CARMIL1: variants seen among roughly 807,000 people sequenced by gnomAD.
CARMIL1 encodes capping protein regulator and myosin 1 linker 1, also known as F-actin-uncapping protein LRRC16A.
In CARMIL1, 90 loss-of-function variants were observed where a neutral mutation model predicts 177.1. The observed-to-expected ratio is 0.51, with a 90% CI of 0.43 to 0.61. CARMIL1 has a LOEUF of 0.61. CARMIL1 is among the 20% of genes least tolerant of loss of function. The probability of loss-of-function intolerance (pLI) is 0.00; values close to 1 mark genes in which losing one functional copy is unlikely to be tolerated. For synonymous variants in CARMIL1, 577 were observed against 606.2 expected (o/e 0.95, Z 0.71); for missense variants, 1,380 against 1,667.0 (o/e 0.83, Z 3.00).
In CARMIL1 at chr6:25,401,727, G is replaced by C. The variant is rs146982911; in HGVS notation, c.139-18387G>C. On this transcript the variant is annotated intron_variant, in intron 2 of 36. Transcript: ENST00000329474. ...AATGTTGCCCTGTCATTTGAATCTG[G>C]TAGGGTTTGCTGATGAATAAATGAA... is the stretch of plus-strand genomic sequence containing the variant. Among the ~76,000 whole-genome samples the C allele has an allele frequency of 2.3e-3, 345 of 152,304 alleles. No individual in the cohort carries two copies. In the Middle Eastern group the frequency reaches 0.027, roughly 12 times the overall value.
intron 23 of CARMIL1, among the ~76,000 whole-genome samples, chr6:25,528,321 C>T (rs1807374818): frequency 6.6e-6 from 1 of 152,132 alleles, no homozygotes; most frequent in South Asian, 2.1e-4. Flanking sequence ...TCTCTTTTTA[C>T]GTAAAAATAA....
At chr6:25,524,915 GA>G (rs1403802782) in intron 23 of CARMIL1, among the ~76,000 whole-genome samples, 2 of 152,002 alleles carry the variant, frequency 1.3e-5, no homozygotes, top group African/African-American at 4.8e-5. Context: ...TTCTTCAATA[GA>G]AACTTCCCAA....
Position 25,288,986 on chromosome 6 carries a change from G to C in CARMIL1, c.138+4077G>C, listed in dbSNP as rs1399647419. 1.3e-5 allele frequency among the ~76,000 whole-genome samples: 2 copies of C among 152,164 alleles called. 1 individual carries two copies. The highest frequency in any genetic ancestry group is 3.8e-4 in the East Asian group (2 of 5,200). ...GTGCATTGTAAATTTCTAAGAATTG[G>C]ATAAAGTATGCTGTTTTTTCCAAAC... On this transcript the variant is annotated intron_variant, in intron 2 of 36. Coordinates refer to ENST00000329474, the MANE Select transcript of CARMIL1 (RefSeq NM_017640.6).
At chr6:25,503,481 A>T (rs1804611518) in intron 17 of CARMIL1, among the ~76,000 whole-genome samples, 1 of 152,206 alleles carries the variant, frequency 6.6e-6, no homozygotes, top group African/African-American at 2.4e-5. Context: ...TTGGATTTCC[A>T]ATATAATTCA....
intron 11 of CARMIL1, among the ~76,000 whole-genome samples, chr6:25,473,782 G>A (rs1028276395): frequency 2.0e-5 from 3 of 152,174 alleles, no homozygotes; most frequent in Non-Finnish European, 2.9e-5. Flanking sequence ...GAATCTTGGG[G>A]ACTATCTTAG....
chr6:25,441,333 ATATATGTGTG>A (rs1219139383), intron 5 of CARMIL1, among the ~76,000 whole-genome samples: 15 of 66,952 alleles, frequency 2.2e-4, no homozygotes, highest in African/African-American at 7.4e-4. Flanking sequence ...ATATATATAT[ATATATGTGTG>A]TGTGTGTGTG....
chr6:25,461,893 T>G (rs760563791), intron 8 of CARMIL1, among the ~76,000 whole-genome samples: 27 of 152,146 alleles, frequency 1.8e-4, no homozygotes, highest in Non-Finnish European at 3.7e-4. Flanking sequence ...GTGCATCTCT[T>G]TTTGGTTTTT....
At chr6:25,493,774 G>A (rs1478058540) in intron 15 of CARMIL1, among the ~76,000 whole-genome samples, 1 of 152,176 alleles carries the variant, frequency 6.6e-6, no homozygotes, top group African/African-American at 2.4e-5. Flanking sequence ...ACACTGGAAT[G>A]CTCAAAACTA....
In CARMIL1 at chr6:25,540,026, C is replaced by A. The variant is rs1285470338; in HGVS notation, c.2276C>A (p.Thr759Asn). 1.2e-6 allele frequency: 2 copies of A among 1,608,442 alleles called. No homozygotes were observed. The highest frequency in any genetic ancestry group is 1.7e-6 in the Non-Finnish European group (2 of 1,177,524). Residue 759 changes from threonine (T) to asparagine (N), a missense_variant, in exon 26 of 37, where the codon ACC becomes AAC. Thr to Asn is a moderately conservative substitution (Grantham distance 65). Coordinates refer to ENST00000329474, the MANE Select transcript of CARMIL1 (RefSeq NM_017640.6). ...SGLLSSPIQE[T>N]LESMAGEVTR... ...TTACTATCCAGTCCAATTCAGGAGA[C>A]CCTGGAATCAATGGCTGGAGAAGTT...
At chr6:25,305,196 C>T (rs769636806) in intron 2 of CARMIL1, among the ~76,000 whole-genome samples, 1 of 152,132 alleles carries the variant, frequency 6.6e-6, no homozygotes, top group Non-Finnish European at 1.5e-5. Context: ...ATTTTAGGAA[C>T]TTGAGAATCA....
chr6:25,390,293 C>CATATATAT (rs397887367), intron 2 of CARMIL1, among the ~76,000 whole-genome samples: 7 of 84,902 alleles, frequency 8.2e-5, no homozygotes, highest in East Asian at 6.4e-4. Context: ...TATATATTTA[C>CATATATAT]ATATATATAT....
intron 2 of CARMIL1, among the ~76,000 whole-genome samples, chr6:25,322,120 G>T (rs1374528708): frequency 6.6e-6 from 1 of 151,496 alleles, no homozygotes; most frequent in Non-Finnish European, 1.5e-5. Flanking sequence ...AAGAAATCTG[G>T]TGTTTTTGTT....
chr6:25,408,320 C>G (rs191039233), intron 2 of CARMIL1, among the ~76,000 whole-genome samples: 3 of 146,264 alleles, frequency 2.1e-5, no homozygotes, highest in Non-Finnish European at 3.0e-5. Flanking sequence ...AAAAAGATTT[C>G]GGGCAGAGAG....
At chr6:25,609,660 T>C (rs977115353) in intron 35 of CARMIL1, among the ~76,000 whole-genome samples, 2 of 152,324 alleles carry the variant, frequency 1.3e-5, no homozygotes, top group Admixed American at 1.3e-4. Context: ...GTATAGTGAC[T>C]ATTGTACTGG....
intron 26 of CARMIL1, among the ~76,000 whole-genome samples, chr6:25,548,406 T>C (rs1809737290): frequency 6.6e-6 from 1 of 152,184 alleles, no homozygotes; most frequent in East Asian, 1.9e-4. Context: ...GGGAGGACAA[T>C]ACTTTGCAGT....
intron 4 of CARMIL1, among the ~76,000 whole-genome samples, chr6:25,429,208 T>G (rs1050709584): frequency 4.5e-4 from 68 of 152,298 alleles, no homozygotes; most frequent in Middle Eastern, 3.4e-3. Flanking sequence ...CTTGCTTACT[T>G]CTTACCATGA....
At chr6:25,346,186 G>A (rs116626667) in intron 2 of CARMIL1, among the ~76,000 whole-genome samples, 7,911 of 151,964 alleles carry the variant, frequency 0.052, 275 homozygotes, top group Non-Finnish European at 0.087. Flanking sequence ...AGTGTTTACC[G>A]TGACTGACAA....
intron 8 of CARMIL1, chr6:25,452,207 G>A: frequency 1.3e-6 from 1 of 764,420 alleles, no homozygotes; most frequent in Non-Finnish European, 2.4e-6. Flanking sequence ...TGGGCCTAAA[G>A]CCTCCAGTTC....
chr6:25,279,614 T>C lies in CARMIL1; in HGVS notation c.-182T>C. The C allele has an allele frequency of 2.2e-5, 10 of 459,806 alleles. No individual in the cohort carries two copies. The South Asian group carries it at 2.5e-4, about 12-fold the overall frequency. 28.5% of individuals were successfully genotyped at this position (459,806 alleles called of 1,614,324 possible). ...AATCCGCCTCGCATTTGCAACTCTT[T>C]TTTTTTTTTTTGGTGGGGCGGGGGG... On this transcript the variant is annotated 5_prime_UTR_variant, in exon 1 of 37. Coordinates refer to ENST00000329474, the MANE Select transcript of CARMIL1 (RefSeq NM_017640.6).
Sources: gnomAD v4.1 joint callset for allele counts (sites outside exome capture counted in the v4.1 genomes callset) on GRCh38, gnomAD v4.1.1 for gene constraint, MANE v1.5 for transcripts, NCBI Gene and HGNC (gene_info 2026-07-23, HGNC 2026-07-21) for gene names.